EPHA6: variants seen among roughly 807,000 people sequenced by gnomAD.
The protein encoded by EPHA6 is ephrin type-A receptor 6.
EPHA6 carries 50 observed loss-of-function variants against 112.0 expected under a neutral mutation model. The observed-to-expected ratio is 0.45, with a 90% confidence interval of 0.36 to 0.56. EPHA6 has a LOEUF of 0.56. Ranked by LOEUF, EPHA6 falls within the 20% of genes least tolerant of loss-of-function variation. The probability of loss-of-function intolerance (pLI) is 0.00; values close to 1 mark genes in which losing one functional copy is unlikely to be tolerated. For missense variants in EPHA6, 1,280 were observed against 1,417.4 expected, an observed-to-expected ratio of 0.90 and a Z score of 1.56; for synonymous variants, 529 against 490.7, an observed-to-expected ratio of 1.08 and a Z score of -1.03.
chr3:97,128,034 C>T (rs557523148), intron 3 of EPHA6, among the ~76,000 whole-genome samples: 3 of 151,960 alleles, frequency 2.0e-5, no homozygotes, highest in Non-Finnish European at 4.4e-5. Flanking sequence ...TCTGAGTCTC[C>T]GGTGTCCATT....
At chr3:97,223,196 T>C (rs866612515) in intron 3 of EPHA6, among the ~76,000 whole-genome samples, 1 of 152,206 alleles carries the variant, frequency 6.6e-6, no homozygotes, top group African/African-American at 2.4e-5. Context: ...AAATGCATTT[T>C]AGAAAACAAA....
rs137991855 is a variant in EPHA6 at position 97,315,991 on chromosome 3, G to A, written c.1606+71704G>A. Among the ~76,000 whole-genome samples the A allele has an allele frequency of 4.6e-3, 691 of 151,840 alleles. 11 individuals are homozygous for A. The highest frequency in any genetic ancestry group is 0.016 in the African/African-American group (646 of 41,412). On this transcript the variant is annotated intron_variant, in intron 5 of 17. Coordinates refer to ENST00000389672, the MANE Select transcript of EPHA6 (RefSeq NM_001080448.3). ...TCAGGCCTGTTAGAGCTGTGTCTAC[G>A]TAAAAAGGCTTATGGAAATTTATTT... is the stretch of plus-strand genomic sequence containing the variant.
intron 11 of EPHA6, among the ~76,000 whole-genome samples, chr3:97,556,643 A>G (rs991691074): frequency 6.6e-6 from 1 of 152,194 alleles, no homozygotes; most frequent in South Asian, 2.1e-4. Context: ...TATGGGAACT[A>G]CAATTCAAGA....
At chr3:97,459,354 G>A (rs997352152) in intron 7 of EPHA6, among the ~76,000 whole-genome samples, 1 of 152,116 alleles carries the variant, frequency 6.6e-6, no homozygotes, top group Non-Finnish European at 1.5e-5. Context: ...TCTGGGGGTG[G>A]GACCCAGCAT....
intron 14 of EPHA6, among the ~76,000 whole-genome samples, chr3:97,648,808 C>T (rs1027373793): frequency 1.3e-5 from 2 of 152,100 alleles, no homozygotes; most frequent in African/African-American, 2.4e-5. Context: ...ACTGATTTCT[C>T]GGATTCTAAA....
intron 16 of EPHA6, among the ~76,000 whole-genome samples, chr3:97,740,503 G>C (rs1303752989): frequency 6.6e-6 from 1 of 152,056 alleles, no homozygotes; most frequent in South Asian, 2.1e-4. Flanking sequence ...TACCCACTGG[G>C]CCATAATTAG....
chr3:97,508,916 T>C (rs903305579), intron 10 of EPHA6, among the ~76,000 whole-genome samples: 16 of 150,790 alleles, frequency 1.1e-4, no homozygotes, highest in Non-Finnish European at 1.0e-4. Context: ...TTTAATGCCC[T>C]GCTTTGTCTT....
chr3:97,399,728 CTTCTT>C (rs1303292667), intron 5 of EPHA6, among the ~76,000 whole-genome samples: 6 of 151,582 alleles, frequency 4.0e-5, no homozygotes, highest in Non-Finnish European at 4.4e-5. Flanking sequence ...ATTTGTATGT[CTTCTT>C]TTCAGAAATG....
chr3:97,350,701 AACT>A (rs1202363423), intron 5 of EPHA6, among the ~76,000 whole-genome samples: 1 of 152,112 alleles, frequency 6.6e-6, no homozygotes, highest in Non-Finnish European at 1.5e-5. Flanking sequence ...AGTACTTAAC[AACT>A]TCCAAGGCAT....
At chr3:97,691,054 GA>G (rs1169621302) in intron 14 of EPHA6, among the ~76,000 whole-genome samples, 1 of 152,142 alleles carries the variant, frequency 6.6e-6, no homozygotes, top group Non-Finnish European at 1.5e-5. Flanking sequence ...TTTCATGTAA[GA>G]TTTTTATGGT....
Position 97,167,321 on chromosome 3 carries a change from C to G in EPHA6, c.1115-58943C>G, listed in dbSNP as rs192153098. On this transcript the variant is annotated intron_variant, in intron 3 of 17. Coordinates refer to ENST00000389672, the MANE Select transcript of EPHA6 (RefSeq NM_001080448.3). ...AGTAAATCACAAAGGGAAACAGATG[C>G]CTCAGACGGTGCCCAGCTTTCCTCT... Among the ~76,000 whole-genome samples, 79 of 152,182 alleles carry G rather than the reference C, an allele frequency of 5.2e-4. 2 individuals carry two copies. The East Asian group carries it at 0.014, about 26-fold the overall frequency.
At chr3:96,932,773 A>T (rs2040387805) in intron 2 of EPHA6, among the ~76,000 whole-genome samples, 1 of 152,214 alleles carries the variant, frequency 6.6e-6, no homozygotes, top group Non-Finnish European at 1.5e-5. Flanking sequence ...GTAATTGTAA[A>T]AAATAGTGTG....
intron 8 of EPHA6, among the ~76,000 whole-genome samples, chr3:97,477,811 A>G (rs1692200836): frequency 7.6e-6 from 1 of 131,032 alleles, no homozygotes; most frequent in African/African-American, 3.4e-5. Context: ...TCTGCTTTGG[A>G]GCCCAGAAAG....
At chr3:97,290,616 T>C (rs955647125) in intron 5 of EPHA6, among the ~76,000 whole-genome samples, 1 of 152,144 alleles carries the variant, frequency 6.6e-6, no homozygotes, top group Non-Finnish European at 1.5e-5. Flanking sequence ...CTTGGTTGGT[T>C]GTGTTATCAA....
intron 10 of EPHA6, among the ~76,000 whole-genome samples, chr3:97,505,156 A>C (rs2092215475): frequency 1.3e-5 from 2 of 152,250 alleles, no homozygotes; most frequent in South Asian, 4.1e-4. Context: ...GATAAGTTGT[A>C]TAATCTCTTT....
intron 2 of EPHA6, among the ~76,000 whole-genome samples, chr3:96,947,434 G>A (rs1448680890): frequency 6.6e-6 from 1 of 152,080 alleles, no homozygotes; most frequent in East Asian, 1.9e-4. Context: ...TTATTAAATA[G>A]GGAATCCTTT....
Position 97,629,639 on chromosome 3 carries a change from C to T in EPHA6, c.2575-8234C>T, listed in dbSNP as rs1162065269. Among the ~76,000 whole-genome samples, 5 of 151,740 alleles carry T rather than the reference C, an allele frequency of 3.3e-5. No individual in the cohort carries two copies. In the East Asian group the frequency reaches 7.8e-4, roughly 24 times the overall value. Reference sequence around the variant, plus strand: ...TATAAAGAAATTCTATGTATTTTTCCTGAACTCCTCTATGGTCACTCCTAT... The same window carrying T: ...TATAAAGAAATTCTATGTATTTTTCTTGAACTCCTCTATGGTCACTCCTAT... On this transcript the variant is annotated intron_variant, in intron 13 of 17. Transcript: ENST00000389672.
At chr3:96,824,455 T>C (rs1356934895) in intron 1 of EPHA6, among the ~76,000 whole-genome samples, 1 of 151,918 alleles carries the variant, frequency 6.6e-6, no homozygotes, top group Non-Finnish European at 1.5e-5. Context: ...ATTTAGGTTC[T>C]TAATCTCATA....
chr3:97,277,609 C>G (rs1234267367), intron 5 of EPHA6, among the ~76,000 whole-genome samples: 1 of 152,110 alleles, frequency 6.6e-6, no homozygotes, highest in Non-Finnish European at 1.5e-5. Flanking sequence ...GGCTACAAAC[C>G]TGTATAGCTT....
Sources: allele counts gnomAD v4.1 joint callset (sites outside exome capture counted in the v4.1 genomes callset), GRCh38; gene constraint gnomAD v4.1.1; transcripts MANE v1.5; gene names NCBI Gene and HGNC (gene_info 2026-07-23, HGNC 2026-07-21).